MYO3A: variants seen among roughly 807,000 people sequenced by gnomAD.
MYO3A encodes myosin IIIA, also known as myosin-IIIa.
Under a neutral mutation model 192.7 loss-of-function variants are expected in MYO3A, and 180 were observed. The observed-to-expected ratio is 0.93, with a 90% CI of 0.83 to 1.06. The LOEUF is 1.06. Among genes scored for constraint, MYO3A ranks in the 50% least tolerant of loss-of-function variants. The probability of loss-of-function intolerance (pLI) is 0.00; values close to 1 mark genes in which losing one functional copy is unlikely to be tolerated. For missense variants in MYO3A, 1,896 were observed against 1,905.0 expected (o/e 1.00, Z 0.09); for synonymous variants, 628 against 645.3 (o/e 0.97, Z 0.41).
At chr10:25,991,840 T>G (rs1487489488) in intron 4 of MYO3A, among the ~76,000 whole-genome samples, 4 of 152,174 alleles carry the variant, frequency 2.6e-5, no homozygotes, top group African/African-American at 9.7e-5. Context: ...GTGGTATTAT[T>G]TCTGAGGGCT....
chr10:26,202,761 T>A, intron 33 of MYO3A: 1 of 538,840 alleles, frequency 1.9e-6, no homozygotes, highest in South Asian at 2.1e-5. Context: ...TAATGTTCTG[T>A]TCAAGGTAAG....
At position 26,088,306 on chromosome 10, in the gene MYO3A, G is replaced by A. The variant is rs145970949; in HGVS notation, c.1463G>A (p.Gly488Glu). The change falls in exon 15 of 35, where the codon GGA (glycine) becomes GAA (glutamate). Residue 488 changes from glycine (G) to glutamate (E), a missense_variant. Gly to Glu is a moderately conservative substitution (Grantham distance 98). Coordinates refer to ENST00000642920, the MANE Select transcript of MYO3A (RefSeq NM_017433.5). ...TIINDNSSRF[G>E]KYLEMKFTSS... The stretch of plus-strand genomic sequence containing the variant: ...ATAAATGACAATTCTAGCAGATTTG[G>A]AAAATACTTAGAAATGAAATTCACC... 53 of 1,613,786 alleles carry A rather than the reference G, an allele frequency of 3.3e-5. No homozygotes were observed. In the African/African-American group the frequency reaches 6.3e-4, roughly 19 times the overall value.
At chr10:26,029,356 T>C (rs1023619922) in intron 10 of MYO3A, among the ~76,000 whole-genome samples, 4 of 152,222 alleles carry the variant, frequency 2.6e-5, no homozygotes, top group African/African-American at 9.6e-5. Context: ...TCTCTCATTC[T>C]TTTCACTTTT....
intron 20 of MYO3A, among the ~76,000 whole-genome samples, chr10:26,129,648 C>T (rs958619383): frequency 3.3e-5 from 5 of 152,136 alleles, no homozygotes; most frequent in African/African-American, 9.7e-5. Context: ...TACTTTGAGG[C>T]GTATCTGGCT....
At chr10:26,025,701 A>G (rs1033855577) in intron 9 of MYO3A, among the ~76,000 whole-genome samples, 1 of 152,222 alleles carries the variant, frequency 6.6e-6, no homozygotes, top group African/African-American at 2.4e-5. Context: ...ACAGCTGGTT[A>G]AACTTTCTAC....
At chr10:26,061,085 C>T (rs1278073477) in intron 10 of MYO3A, among the ~76,000 whole-genome samples, 2 of 151,972 alleles carry the variant, frequency 1.3e-5, no homozygotes, top group Admixed American at 6.6e-5. Context: ...CCTGCCACCA[C>T]GCCCAGCTAA....
chr10:26,156,302 G>A (rs1249023861), intron 25 of MYO3A, among the ~76,000 whole-genome samples: 1 of 152,138 alleles, frequency 6.6e-6, no homozygotes. Flanking sequence ...ATGACTGTAG[G>A]CTCTTACATT....
intron 17 of MYO3A, among the ~76,000 whole-genome samples, chr10:26,119,354 G>A (rs1261276921): frequency 1.3e-5 from 2 of 152,074 alleles, no homozygotes; most frequent in African/African-American, 2.4e-5. Flanking sequence ...AAGGAAACCA[G>A]GATCTTTAGC....
chr10:26,131,263 A>G (rs766858200), intron 20 of MYO3A, among the ~76,000 whole-genome samples: 1 of 152,188 alleles, frequency 6.6e-6, no homozygotes, highest in Non-Finnish European at 1.5e-5. Flanking sequence ...CACTCCAGCA[A>G]AGCTGTTTAC....
intron 10 of MYO3A, among the ~76,000 whole-genome samples, chr10:26,038,737 A>G (rs769477504): frequency 9.2e-5 from 14 of 152,176 alleles, no homozygotes; most frequent in Non-Finnish European, 1.9e-4. Flanking sequence ...GAATAACAGT[A>G]GGCATCTTTT....
chr10:26,109,304 G>T (rs987618283), intron 17 of MYO3A, among the ~76,000 whole-genome samples: 2 of 152,190 alleles, frequency 1.3e-5, no homozygotes, highest in Non-Finnish European at 2.9e-5. Context: ...CTTATCTGCA[G>T]TTTCACTTTC....
At chr10:26,111,017 A>G (rs1488821043) in intron 17 of MYO3A, among the ~76,000 whole-genome samples, 1 of 151,526 alleles carries the variant, frequency 6.6e-6, no homozygotes, top group Non-Finnish European at 1.5e-5. Context: ...GGTGATTACA[A>G]CCATGCCCAG....
intron 17 of MYO3A, among the ~76,000 whole-genome samples, chr10:26,106,997 G>A (rs1477229637): frequency 6.6e-6 from 1 of 150,614 alleles, no homozygotes; most frequent in Non-Finnish European, 1.5e-5. Flanking sequence ...TTTTTCTTTG[G>A]CCTATGTGAG....
At chr10:26,153,071 A>C (rs931817896) in intron 23 of MYO3A, among the ~76,000 whole-genome samples, 1 of 152,238 alleles carries the variant, frequency 6.6e-6, no homozygotes, top group African/African-American at 2.4e-5. Flanking sequence ...TACTATTAGG[A>C]TAATAAACTC....
rs1471113970 is a variant in MYO3A at position 25,996,800 on chromosome 10, T to C, written c.408+206T>C. ...TCATTGGACCAACAGGATCCTGAATTCTGACCTCTTAAGTGTATTTCTGAG... is the reference window on the plus strand; with the variant it reads ...TCATTGGACCAACAGGATCCTGAATCCTGACCTCTTAAGTGTATTTCTGAG... On this transcript the variant is annotated intron_variant, in intron 5 of 34. Coordinates refer to ENST00000642920, the MANE Select transcript of MYO3A (RefSeq NM_017433.5). 3.9e-5 allele frequency among the ~76,000 whole-genome samples: 6 copies of C among 152,208 alleles called. No homozygotes were observed. In the East Asian group the frequency reaches 1.2e-3, roughly 29 times the overall value.
intron 4 of MYO3A, among the ~76,000 whole-genome samples, chr10:25,988,479 G>T (rs1267569700): frequency 6.6e-6 from 1 of 152,212 alleles, no homozygotes; most frequent in African/African-American, 2.4e-5. Context: ...TACACTGCTA[G>T]AGGGGCTGCA....
intron 14 of MYO3A, among the ~76,000 whole-genome samples, chr10:26,079,795 T>A (rs1432915320): frequency 6.6e-6 from 1 of 152,186 alleles, no homozygotes; most frequent in Non-Finnish European, 1.5e-5. Context: ...TTTCGCTGGA[T>A]ACAAAATTCT....
In MYO3A at chr10:26,128,445, T is replaced by C. The variant is rs114982270; in HGVS notation, c.2169T>C (p.Asn723=). The change falls in exon 20 of 35, where the codon AAT becomes AAC. Residue 723 remains asparagine, a synonymous_variant. Coordinates refer to ENST00000642920, the MANE Select transcript of MYO3A (RefSeq NM_017433.5). ...TTCTTGATATATTTGGCTTTGAAAA[T>C]TTCAAAAAAAATTCCTTCGAGCAGC... ...IGILDIFGFE[N]FKKNSFEQLC... is the part of the protein sequence containing the mutation. The C allele has an allele frequency of 7.4e-4, 1,196 of 1,612,832 alleles. 10 individuals carry two copies. The African/African-American group carries it at 0.015, about 20-fold the overall frequency.
At chr10:26,185,238 C>T (rs1842804831) in intron 31 of MYO3A, among the ~76,000 whole-genome samples, 1 of 147,398 alleles carries the variant, frequency 6.8e-6, no homozygotes, top group Non-Finnish European at 1.5e-5. Context: ...TCTGAAAATT[C>T]AATGCATTTT....
Sources: allele counts gnomAD v4.1 joint callset (sites outside exome capture counted in the v4.1 genomes callset), GRCh38; gene constraint gnomAD v4.1.1; transcripts MANE v1.5; gene names NCBI Gene and HGNC (gene_info 2026-07-23, HGNC 2026-07-21).